The following DOCK10 variants were observed in gnomAD, a reference collection of about 807,000 sequenced individuals.
DOCK10 encodes the protein dedicator of cytokinesis protein 10.
In DOCK10, 145 loss-of-function variants were observed where a neutral mutation model predicts 280.1. The ratio of observed to expected loss-of-function variants is 0.52; its 90% CI spans 0.45 to 0.59. The LOEUF (loss-of-function observed/expected upper bound fraction) is 0.59. Among genes scored for constraint, DOCK10 ranks in the 20% least tolerant of loss-of-function variants. DOCK10 has a pLI of 0.00. For synonymous variants in DOCK10, 915 were observed against 942.2 expected (o/e 0.97, Z 0.53); for missense variants, 2,368 against 2,651.7 (o/e 0.89, Z 2.35).
intron 40 of DOCK10, 98 bp from the exon 41 acceptor site, chr2:224,800,361 G>T (rs1451635121): frequency 8.4e-6 from 5 of 595,768 alleles, no homozygotes; most frequent in South Asian, 2.8e-5. Flanking sequence ...AAGTTTGCTG[G>T]CATTTTGATT....
intron 3 of DOCK10, among the ~76,000 whole-genome samples, chr2:224,899,128 T>C (rs1258430819): frequency 2.0e-5 from 3 of 152,212 alleles, no homozygotes; most frequent in Admixed American, 6.5e-5. Context: ...CACTCCCTTT[T>C]TGCATTCCCT....
In DOCK10 at chr2:224,807,740, G is replaced by T; in HGVS notation, c.3630C>A (p.Gly1210=). The T allele has an allele frequency of 6.4e-7, 1 of 1,573,290 alleles. No individual in the cohort carries two copies. Among genetic ancestry groups the T allele is most frequent in the Admixed American group, 1.9e-5 (1 of 53,854 alleles). The change falls in exon 33 of 56, where the codon GGC becomes GGA. Residue 1210 remains glycine (G), a synonymous_variant. Transcript: ENST00000258390. ...TCCTTGGCATATTGTCCAGGAGCATGCCGTACAGGGGCATGTATAAACTTG... is the reference window on the plus strand; with the variant it reads ...TCCTTGGCATATTGTCCAGGAGCATTCCGTACAGGGGCATGTATAAACTTG... ...QIASLYMPLY[G]MLLDNMPRIY...
At position 224,841,840 on chromosome 2, in the gene DOCK10, A is replaced by C. The variant is rs1169952304; in HGVS notation, c.2625T>G (p.Ser875=). Residue 875 remains serine (S), a synonymous_variant, in exon 23 of 56, where the codon TCT becomes TCG. Coordinates refer to ENST00000258390, the MANE Select transcript of DOCK10 (RefSeq NM_014689.3). The stretch of plus-strand genomic sequence containing the variant: ...GGATGAAATTTGAGGTAGGTGACTG[A>C]GACATATCTTTCTCTCTTTTTTGGC... ...QECQKREKDM[S]QSPTSNFIRS... is the part of the protein sequence containing the mutation. 3 of 1,613,346 alleles carry C rather than the reference A, an allele frequency of 1.9e-6. No homozygotes were observed. Among genetic ancestry groups the C allele is most frequent in the Non-Finnish European group, 1.7e-6 (2 of 1,179,442 alleles).
chr2:224,806,859 C>A (rs1253804011), intron 33 of DOCK10, among the ~76,000 whole-genome samples: 2 of 152,140 alleles, frequency 1.3e-5, no homozygotes, highest in African/African-American at 4.8e-5. Flanking sequence ...ATCCTCCCAT[C>A]TTGGGCTCCC....
At chr2:225,027,963 C>T (rs756572667) in intron 1 of DOCK10, among the ~76,000 whole-genome samples, 2 of 152,112 alleles carry the variant, frequency 1.3e-5, no homozygotes, top group African/African-American at 2.4e-5. Context: ...TAGTTCCTTC[C>T]GCTTTGTTTT....
At chr2:224,830,640 A>G (rs1695164981) in intron 26 of DOCK10, 28 bp from the exon 27 acceptor site, 2 of 1,408,372 alleles carry the variant, frequency 1.4e-6, no homozygotes, top group Non-Finnish European at 1.9e-6. Context: ...GCAACGAGAC[A>G]TTTATTATCC....
chr2:225,038,739 G>T (rs1482896022), intron 1 of DOCK10, among the ~76,000 whole-genome samples: 2 of 152,160 alleles, frequency 1.3e-5, no homozygotes, highest in Non-Finnish European at 1.5e-5. Flanking sequence ...AACTAAAGTG[G>T]TAAGCTCCAG....
intron 31 of DOCK10, among the ~76,000 whole-genome samples, chr2:224,810,527 A>G (rs1357635728): frequency 6.6e-6 from 1 of 151,872 alleles, no homozygotes; most frequent in African/African-American, 2.4e-5. Context: ...GTACATGTGC[A>G]CAATGTGCAG....
In DOCK10 at chr2:224,787,367, C is replaced by T. The variant is rs78146362; in HGVS notation, c.5449G>A (p.Val1817Met). 1.9e-5 allele frequency: 31 copies of T among 1,614,016 alleles called. No individual in the cohort carries two copies. Among genetic ancestry groups the T allele is most frequent in the Non-Finnish European group, 2.3e-5 (27 of 1,179,876 alleles). The change falls in exon 49 of 56, where the codon GTG becomes ATG. Residue 1817 changes from valine (V) to methionine (M), a missense_variant. Physicochemically the swap from Val to Met is conservative, Grantham distance 21. This residue lies in a region of DOCK10 where 1,159 missense variants were observed against 1,400.8 expected (regional missense o/e 0.83). Coordinates refer to ENST00000258390, the MANE Select transcript of DOCK10 (RefSeq NM_014689.3). Reference protein sequence around the residue: ...NILVEQLYMCVEFLWKSERYE... With the variant: ...NILVEQLYMCMEFLWKSERYE... The stretch of plus-strand genomic sequence containing the variant: ...CGCTCAGACTTCCAGAGAAACTCCA[C>T]ACACATGTATAGCTGCTCCACCAGG...
chr2:224,993,251 G>A (rs986357157), intron 1 of DOCK10, among the ~76,000 whole-genome samples: 3 of 146,076 alleles, frequency 2.1e-5, no homozygotes, highest in Non-Finnish European at 4.5e-5. Context: ...ACCATTTCCT[G>A]GATTTGTGGC....
chr2:224,879,774 A>G (rs1054560719), intron 7 of DOCK10, among the ~76,000 whole-genome samples: 3 of 152,076 alleles, frequency 2.0e-5, no homozygotes, highest in Non-Finnish European at 4.4e-5. Context: ...AAAAAAAAAA[A>G]TTAAAAAAGA....
chr2:224,946,881 C>T, intron 1 of DOCK10: 1 of 1,546,560 alleles, frequency 6.5e-7, no homozygotes. Context: ...TTGGTTTACT[C>T]TCCTCACAGT....
chr2:224,802,052 A>G lies in DOCK10; in HGVS notation c.4269-12T>C. 1 of 1,611,100 alleles carries G rather than the reference A, an allele frequency of 6.2e-7. No homozygotes were observed. The highest frequency in any genetic ancestry group is 8.5e-7 in the Non-Finnish European group (1 of 1,178,628). ...AAGTGGAGTGCATCCTGAAAACAAA[A>G]AAAGAAAAGTGGTTAGAGTTATTTG... is the stretch of plus-strand genomic sequence containing the variant. On this transcript the variant is annotated splice_polypyrimidine_tract_variant and intron_variant, in intron 39 of 55. Coordinates refer to ENST00000258390, the MANE Select transcript of DOCK10 (RefSeq NM_014689.3).
chr2:224,875,597 C>T (rs1395850497), intron 8 of DOCK10, among the ~76,000 whole-genome samples: 1 of 152,070 alleles, frequency 6.6e-6, no homozygotes, highest in Non-Finnish European at 1.5e-5. Context: ...GAAACTTTCA[C>T]ATATAAGATG....
At position 224,856,983 on chromosome 2, in the gene DOCK10, C is replaced by T. The variant is rs1697191156; in HGVS notation, c.1686-1G>A. On this transcript the variant is annotated splice_acceptor_variant, in intron 14 of 55. Transcript: ENST00000258390. LOFTEE classifies it high-confidence loss of function. The stretch of plus-strand genomic sequence containing the variant: ...TCCCTGGTTGTCCTTAAATACTGAT[C>T]TAAAAGAAAATATTTATTCAGGTTG... The T allele has an allele frequency of 1.3e-6, 2 of 1,599,794 alleles. No homozygotes were observed. Among genetic ancestry groups the T allele is most frequent in the Non-Finnish European group, 1.7e-6 (2 of 1,173,212 alleles).
chr2:224,986,853 A>G (rs774169937), intron 1 of DOCK10, among the ~76,000 whole-genome samples: 1 of 152,134 alleles, frequency 6.6e-6, no homozygotes, highest in Non-Finnish European at 1.5e-5. Context: ...CAATACAAGG[A>G]CCTTGCCTGG....
At chr2:224,849,478 G>A (rs757988034) in intron 19 of DOCK10, 29 bp downstream of exon 19, 22 of 1,521,058 alleles carry the variant, frequency 1.4e-5, no homozygotes, top group East Asian at 4.6e-5. Context: ...CTTAGGAACC[G>A]CTGGGGGCAG....
chr2:225,023,998 T>C (rs1689852462), intron 1 of DOCK10, among the ~76,000 whole-genome samples: 1 of 152,236 alleles, frequency 6.6e-6, no homozygotes, highest in Admixed American at 6.5e-5. Flanking sequence ...ATGTCCCTCC[T>C]GATCCGATGT....
chr2:224,787,468 C>G (rs1691813826), intron 48 of DOCK10, 71 bp from the exon 49 acceptor site: 2 of 1,580,828 alleles, frequency 1.3e-6, no homozygotes, highest in South Asian at 2.3e-5. Flanking sequence ...ACTTGGTTTC[C>G]AAGCTGTTGC....
Sources: gnomAD v4.1 joint callset for allele counts (sites outside exome capture counted in the v4.1 genomes callset) on GRCh38, gnomAD v4.1.1 for gene constraint, gnomAD v4.1.1 regional missense constraint, MANE v1.5 for transcripts, NCBI Gene and HGNC (gene_info 2026-07-23, HGNC 2026-07-21) for gene names.